The following ZEB1 variants were observed in gnomAD, a reference collection of about 807,000 sequenced individuals.
ZEB1 encodes the protein zinc finger E-box-binding homeobox 1.
In ZEB1, 21 loss-of-function variants were observed where a neutral mutation model predicts 84.9. The observed-to-expected ratio is 0.25, with a 90% confidence interval of 0.18 to 0.36. ZEB1 has a LOEUF of 0.36. ZEB1 is among the 10% of genes least tolerant of loss of function. The pLI, the probability that ZEB1 is intolerant of heterozygous loss-of-function variation, is 1.00. For missense variants in ZEB1, 1,104 were observed against 1,330.2 expected, an observed-to-expected ratio of 0.83 and a Z score of 2.65; for synonymous variants, 420 against 471.1, an observed-to-expected ratio of 0.89 and a Z score of 1.41.
chr10:31,462,134 G>T (rs967774836), intron 2 of ZEB1, among the ~76,000 whole-genome samples: 4 of 152,130 alleles, frequency 2.6e-5, no homozygotes, highest in Admixed American at 2.6e-4. Context: ...TGGAAAAGTG[G>T]GTCAGGCATG....
chr10:31,525,663 C>T (rs749773135), intron 8 of ZEB1, among the ~76,000 whole-genome samples: 2 of 152,170 alleles, frequency 1.3e-5, no homozygotes, highest in Non-Finnish European at 2.9e-5. Context: ...TTAACTGTTT[C>T]AGTGTATTTT....
chr10:31,443,718 C>T (rs2059357048), intron 1 of ZEB1, among the ~76,000 whole-genome samples: 1 of 150,302 alleles, frequency 6.7e-6, no homozygotes, highest in Non-Finnish European at 1.5e-5. Flanking sequence ...CAATTTCATC[C>T]ATGTCCTTAC....
At chr10:31,370,425 C>T (rs1002955919) in intron 1 of ZEB1, among the ~76,000 whole-genome samples, 1 of 152,032 alleles carries the variant, frequency 6.6e-6, no homozygotes, top group Admixed American at 6.6e-5. Context: ...GATGTGATGC[C>T]ATGGAACATT....
chr10:31,439,174 C>G (rs1000467568), intron 1 of ZEB1, among the ~76,000 whole-genome samples: 20 of 152,080 alleles, frequency 1.3e-4, no homozygotes, highest in Admixed American at 1.3e-3. Flanking sequence ...TATACTGCAT[C>G]TACTGTATTT....
At chr10:31,507,490 A>G (rs1282762842) in intron 4 of ZEB1, among the ~76,000 whole-genome samples, 1 of 151,924 alleles carries the variant, frequency 6.6e-6, no homozygotes, top group Non-Finnish European at 1.5e-5. Context: ...GTTACTTTAT[A>G]GTTTCTTATA....
At chr10:31,362,440 C>T (rs545049896) in intron 1 of ZEB1, among the ~76,000 whole-genome samples, 14 of 144,016 alleles carry the variant, frequency 9.7e-5, no homozygotes, top group East Asian at 4.3e-4. Context: ...GCTTCGCAGA[C>T]GGGACGGTGG....
At chr10:31,395,308 A>G (rs570037587) in intron 1 of ZEB1, among the ~76,000 whole-genome samples, 1 of 152,236 alleles carries the variant, frequency 6.6e-6, no homozygotes, top group Non-Finnish European at 1.5e-5. Context: ...GTTGCATCTC[A>G]TGCTTTTTTT....
intron 1 of ZEB1, among the ~76,000 whole-genome samples, chr10:31,411,736 C>T (rs1251922311): frequency 2.7e-5 from 4 of 149,914 alleles, no homozygotes; most frequent in Non-Finnish European, 5.9e-5. Flanking sequence ...GAACTAAAAT[C>T]GACACCCTAA....
chr10:31,482,112 C>T (rs942893236), intron 2 of ZEB1, among the ~76,000 whole-genome samples: 6 of 152,006 alleles, frequency 3.9e-5, no homozygotes, highest in Non-Finnish European at 8.8e-5. Context: ...GCAGGCACCA[C>T]CTTAACCAGA....
In ZEB1 at chr10:31,352,060, A is replaced by G. The variant is rs1230035073; in HGVS notation, c.58+32768A>G. On this transcript the variant is annotated intron_variant, in intron 1 of 8. Transcript: ENST00000424869. ...AATACATGTAAAGCATATAATTCAT[A>G]ATACATAGGATACAAATCAAATATA... Among the ~76,000 whole-genome samples, 2 of 152,216 alleles carry G rather than the reference A, an allele frequency of 1.3e-5. 1 individual carries two copies. The highest frequency in any genetic ancestry group is 2.9e-5 in the Non-Finnish European group (2 of 68,028).
rs148446855 is a variant in ZEB1 at position 31,526,920 on chromosome 10, G to T, written c.3034G>T (p.Val1012Leu). 7 of 1,614,020 alleles carry T rather than the reference G, an allele frequency of 4.3e-6. No individual in the cohort carries two copies. The highest frequency in any genetic ancestry group is 4.2e-6 in the Non-Finnish European group (5 of 1,180,036). The change falls in exon 9 of 9, where the codon GTG (valine) becomes TTG (leucine). Residue 1012 changes from valine to leucine, a missense_variant. Around this residue, in one of 7 missense-constraint regions of ZEB1, gnomAD observed 173 missense variants for 167.0 expected, o/e 1.04. Coordinates refer to ENST00000424869, the MANE Select transcript of ZEB1 (RefSeq NM_001174096.2). ...AGPEILSNEH[V>L]GARASPSQGD... ...GCCTGAAATCCTCTCGAATGAGCAC[G>T]TGGGTGCCAGGGCGTCTCCCTCACA...
At chr10:31,485,680 T>TTA (rs1244186443) in intron 2 of ZEB1, among the ~76,000 whole-genome samples, 4 of 150,092 alleles carry the variant, frequency 2.7e-5, no homozygotes, top group African/African-American at 1.0e-4. Context: ...AAAAGTAAGT[T>TTA]TCTTTTTTTT....
At chr10:31,398,282 T>C (rs1410830757) in intron 1 of ZEB1, among the ~76,000 whole-genome samples, 1 of 152,184 alleles carries the variant, frequency 6.6e-6, no homozygotes, top group Admixed American at 6.5e-5. Flanking sequence ...TCAACATTTA[T>C]ACTTATTTTT....
chr10:31,455,642 C>A (rs1450683422), intron 1 of ZEB1, among the ~76,000 whole-genome samples: 1 of 152,090 alleles, frequency 6.6e-6, no homozygotes, highest in African/African-American at 2.4e-5. Flanking sequence ...ATGCAGCCAG[C>A]AGACATATGA....
intron 1 of ZEB1, among the ~76,000 whole-genome samples, chr10:31,323,867 G>A (rs187837752): frequency 2.9e-4 from 44 of 151,834 alleles, no homozygotes; most frequent in African/African-American, 5.6e-4. Context: ...TATCAGTACC[G>A]TAATGGAATA....
intron 1 of ZEB1, among the ~76,000 whole-genome samples, chr10:31,422,200 CAG>C (rs1257416261): frequency 6.6e-6 from 1 of 152,118 alleles, no homozygotes; most frequent in Non-Finnish European, 1.5e-5. Context: ...TAAGTCACTC[CAG>C]AGAGTGTGGG....
chr10:31,467,844 C>G (rs1008636661), intron 2 of ZEB1, among the ~76,000 whole-genome samples: 1 of 152,098 alleles, frequency 6.6e-6, no homozygotes, highest in African/African-American at 2.4e-5. Flanking sequence ...GCCTCATAGC[C>G]TTGCTTTCTG....
chr10:31,452,728 TGTGTGTGTGTGTGTGAGAGAGAGAGAGA>T (rs2060723846), intron 1 of ZEB1, among the ~76,000 whole-genome samples: 1 of 123,760 alleles, frequency 8.1e-6, no homozygotes, highest in African/African-American at 3.9e-5. Context: ...TGTGTGTGTG[TGTGTGTGTGTGTGTGAGAGAGAGAGAGA>T]GAGAGAGAGA....
intron 1 of ZEB1, chr10:31,363,440 G>A (rs1249274353): frequency 2.6e-6 from 4 of 1,533,904 alleles, no homozygotes; most frequent in East Asian, 2.4e-5. Context: ...AAGGGCCTGG[G>A]ATTGTACCAG....
Sources: gnomAD v4.1 joint callset for allele counts (sites outside exome capture counted in the v4.1 genomes callset) on GRCh38, gnomAD v4.1.1 for gene constraint, gnomAD v4.1.1 regional missense constraint, MANE v1.5 for transcripts, NCBI Gene and HGNC (gene_info 2026-07-23, HGNC 2026-07-21) for gene names.